Variants in BTBD9 observed in about 807,000 individuals in gnomAD.
The protein encoded by BTBD9 is BTB domain containing 9, also known as BTB/POZ domain-containing protein 9.
BTBD9 carries 49 observed loss-of-function variants against 64.3 expected under a neutral mutation model. That is an observed-to-expected ratio of 0.76 (90% CI 0.61 to 0.97). The LOEUF (loss-of-function observed/expected upper bound fraction) is 0.97, where lower values mean the gene tolerates loss of function less well. Ranked by LOEUF, BTBD9 falls within the 50% of genes least tolerant of loss-of-function variation. The pLI is 0.00. For missense variants in BTBD9, 598 were observed against 762.1 expected (o/e 0.78, Z 2.53); for synonymous variants, 260 against 274.7 (o/e 0.95, Z 0.53).
intron 6 of BTBD9, among the ~76,000 whole-genome samples, chr6:38,515,865 G>C (rs563405163): frequency 6.6e-6 from 1 of 152,286 alleles, no homozygotes; most frequent in East Asian, 1.9e-4. Context: ...TGGAGACAGA[G>C]GGTGGATCAA....
chr6:38,468,321 T>C (rs1475000771), intron 6 of BTBD9, among the ~76,000 whole-genome samples: 1 of 152,214 alleles, frequency 6.6e-6, no homozygotes, highest in Non-Finnish European at 1.5e-5. Context: ...ATATCAACCT[T>C]ATTTCCTAAC....
intron 6 of BTBD9, among the ~76,000 whole-genome samples, chr6:38,441,908 G>T (rs959037139): frequency 8.6e-5 from 13 of 152,004 alleles, no homozygotes; most frequent in African/African-American, 3.1e-4. Flanking sequence ...ATACCTAAAG[G>T]TATACAACTA....
intron 6 of BTBD9, among the ~76,000 whole-genome samples, chr6:38,417,702 G>A (rs1306514184): frequency 6.6e-6 from 1 of 151,896 alleles, no homozygotes; most frequent in Non-Finnish European, 1.5e-5. Context: ...GAGCCTGGGA[G>A]GTTGAGGCTG....
rs774276293 is a variant in BTBD9 at position 38,571,478 on chromosome 6, G to A, written c.1154+6122C>T. ...AGAATAGGTGAAAAAAAATTATGCT[G>A]TATCTATTGACACCAGGAATGAGGG... On this transcript the variant is annotated intron_variant, in intron 6 of 10. Coordinates refer to ENST00000481247, the MANE Select transcript of BTBD9 (RefSeq NM_001099272.2). 1.3e-4 allele frequency among the ~76,000 whole-genome samples: 20 copies of A among 150,614 alleles called. 1 individual carries two copies. In the South Asian group the frequency reaches 3.6e-3, roughly 27 times the overall value.
chr6:38,502,804 T>C (rs2127401989), intron 6 of BTBD9, among the ~76,000 whole-genome samples: 1 of 152,150 alleles, frequency 6.6e-6, no homozygotes, highest in South Asian at 2.1e-4. Flanking sequence ...TTGTGCAATT[T>C]GATTCAATTC....
At chr6:38,253,019 C>A (rs1182858230) in intron 9 of BTBD9, among the ~76,000 whole-genome samples, 1 of 152,120 alleles carries the variant, frequency 6.6e-6, no homozygotes, top group Non-Finnish European at 1.5e-5. Context: ...GAGTCTGAGG[C>A]AGAAGAATCA....
chr6:38,438,339 G>C (rs1446169125), intron 6 of BTBD9, among the ~76,000 whole-genome samples: 1 of 152,078 alleles, frequency 6.6e-6, no homozygotes, highest in African/African-American at 2.4e-5. Flanking sequence ...TGGATCCTCA[G>C]CATAAGCCTG....
chr6:38,239,583 C>T lies in BTBD9; in HGVS notation c.1562+16826G>A, dbSNP rs1221953604. ...AGTAAAAAGCACAGCCAGGAGACAG[C>T]TAAAAGGAGCTTAAGAATGTATATA... On this transcript the variant is annotated intron_variant, in intron 9 of 10. Transcript: ENST00000481247. 5.3e-5 allele frequency among the ~76,000 whole-genome samples: 8 copies of T among 151,972 alleles called. No homozygotes were observed. The East Asian group carries it at 1.2e-3, about 22-fold the overall frequency.
At chr6:38,303,949 G>GTGTA (rs1164489896) in intron 7 of BTBD9, among the ~76,000 whole-genome samples, 10 of 139,110 alleles carry the variant, frequency 7.2e-5, no homozygotes, top group Non-Finnish European at 1.5e-4. Flanking sequence ...GTGTGTGTGT[G>GTGTA]TGTATATATA....
intron 6 of BTBD9, among the ~76,000 whole-genome samples, chr6:38,556,506 AGTGTGTGT>A (rs140373285): frequency 2.6e-4 from 36 of 137,752 alleles, no homozygotes; most frequent in Admixed American, 8.9e-4. Context: ...TGTCCTATAA[AGTGTGTGT>A]GTGTGTGTGT....
At chr6:38,468,590 A>T (rs889693082) in intron 6 of BTBD9, among the ~76,000 whole-genome samples, 8 of 152,176 alleles carry the variant, frequency 5.3e-5, no homozygotes, top group Non-Finnish European at 1.2e-4. Flanking sequence ...ATACTGCTTT[A>T]TTATTTTGCA....
chr6:38,599,289 C>T (rs1186659912), intron 1 of BTBD9, among the ~76,000 whole-genome samples: 1 of 152,048 alleles, frequency 6.6e-6, no homozygotes, highest in African/African-American at 2.4e-5. Context: ...AATGTACTTG[C>T]AGGTACTTAA....
chr6:38,203,080 C>A (rs1762519673), intron 9 of BTBD9, among the ~76,000 whole-genome samples: 1 of 152,160 alleles, frequency 6.6e-6, no homozygotes, highest in African/African-American at 2.4e-5. Flanking sequence ...AAATGCTCAA[C>A]ATCACTAAGC....
At chr6:38,621,511 C>T (rs959111090) in intron 1 of BTBD9, among the ~76,000 whole-genome samples, 1 of 152,164 alleles carries the variant, frequency 6.6e-6, no homozygotes, top group African/African-American at 2.4e-5. Flanking sequence ...TGTAACAGTA[C>T]CTGAAAGCAA....
chr6:38,320,071 G>T (rs1471800133), intron 7 of BTBD9, among the ~76,000 whole-genome samples: 1 of 152,178 alleles, frequency 6.6e-6, no homozygotes, highest in African/African-American at 2.4e-5. Context: ...GAGTTCCAAT[G>T]CAAAGCCCCA....
At chr6:38,215,931 T>G (rs1762995447) in intron 9 of BTBD9, among the ~76,000 whole-genome samples, 1 of 152,188 alleles carries the variant, frequency 6.6e-6, no homozygotes, top group African/African-American at 2.4e-5. Flanking sequence ...CTGCCACTAA[T>G]CCTTCCATTG....
intron 6 of BTBD9, among the ~76,000 whole-genome samples, chr6:38,373,675 G>A (rs1434139080): frequency 6.6e-6 from 1 of 152,072 alleles, no homozygotes; most frequent in Non-Finnish European, 1.5e-5. Flanking sequence ...GGCACTACAG[G>A]TGTGCACCAC....
At chr6:38,454,255 C>G (rs920627785) in intron 6 of BTBD9, among the ~76,000 whole-genome samples, 2 of 151,986 alleles carry the variant, frequency 1.3e-5, no homozygotes, top group Non-Finnish European at 2.9e-5. Flanking sequence ...AGGACAAACT[C>G]TTAAAAAACG....
At position 38,532,946 on chromosome 6, in the gene BTBD9, G is replaced by C. The variant is rs1437208282; in HGVS notation, c.1154+44654C>G. Among the ~76,000 whole-genome samples the C allele has an allele frequency of 2.0e-5, 3 of 151,758 alleles. No individual in the cohort carries two copies. The East Asian group carries it at 5.9e-4, about 30-fold the overall frequency. On this transcript the variant is annotated intron_variant, in intron 6 of 10. Transcript: ENST00000481247. ...TGGCCACAGGCGAGTAGAGCACAAAGTGGGCACCTTCACTAAAAGGAAGAC... is the reference window on the plus strand; with the variant it reads ...TGGCCACAGGCGAGTAGAGCACAAACTGGGCACCTTCACTAAAAGGAAGAC...
Sources: allele counts gnomAD v4.1 joint callset (sites outside exome capture counted in the v4.1 genomes callset), GRCh38; gene constraint gnomAD v4.1.1; transcripts MANE v1.5; gene names NCBI Gene and HGNC (gene_info 2026-07-23, HGNC 2026-07-21).